Variants in CDH18 observed in about 807,000 individuals in gnomAD.
CDH18 encodes cadherin 18, also known as cadherin-18.
CDH18 carries 31 observed loss-of-function variants against 67.9 expected under a neutral mutation model. The ratio of observed to expected loss-of-function variants is 0.46; its 90% CI spans 0.34 to 0.62. CDH18 has a LOEUF of 0.62. CDH18 is among the 20% of genes least tolerant of loss of function. The pLI, the probability that CDH18 is intolerant of heterozygous loss-of-function variation, is 0.01. For synonymous variants in CDH18, 362 were observed against 347.2 expected, an observed-to-expected ratio of 1.04 and a Z score of -0.48; for missense variants, 890 against 975.5, an observed-to-expected ratio of 0.91 and a Z score of 1.17.
intron 1 of CDH18, among the ~76,000 whole-genome samples, chr5:20,402,236 C>A (rs28701114): frequency 0.047 from 7,217 of 152,178 alleles, 462 homozygotes; most frequent in African/African-American, 0.15. Context: ...ATACCACATT[C>A]TTACTTCCAG....
intron 5 of CDH18, among the ~76,000 whole-genome samples, chr5:19,667,308 C>T (rs575691627): frequency 1.2e-3 from 187 of 151,214 alleles, no homozygotes; most frequent in Non-Finnish European, 2.1e-3. Context: ...TGAACAAATT[C>T]GTGGTGGCAT....
chr5:19,627,183 A>C (rs2150164182), intron 5 of CDH18, among the ~76,000 whole-genome samples: 1 of 152,328 alleles, frequency 6.6e-6, no homozygotes, highest in Admixed American at 6.5e-5. Context: ...TGAGAAAGTA[A>C]AGGAGAAAAC....
intron 2 of CDH18, among the ~76,000 whole-genome samples, chr5:20,125,154 C>G (rs1168953522): frequency 2.6e-5 from 4 of 152,222 alleles, no homozygotes; most frequent in African/African-American, 4.8e-5. Context: ...TACAACACAT[C>G]TGCATACAGT....
intron 1 of CDH18, among the ~76,000 whole-genome samples, chr5:20,308,564 G>A (rs1192726663): frequency 2.0e-5 from 3 of 151,444 alleles, no homozygotes; most frequent in African/African-American, 7.3e-5. Flanking sequence ...AATTCTGTGT[G>A]AAAACAAAAA....
At chr5:19,997,344 T>C (rs369183509) in intron 2 of CDH18, among the ~76,000 whole-genome samples, 6 of 152,236 alleles carry the variant, frequency 3.9e-5, no homozygotes, top group African/African-American at 1.4e-4. Flanking sequence ...ATCATATTTA[T>C]GATATGTTTT....
rs1410811801 is a variant in CDH18, at chr5:19,714,539, C to A, written c.643+6808G>T. Among the ~76,000 whole-genome samples the A allele has an allele frequency of 1.5e-4, 22 of 149,844 alleles. 1 individual carries two copies. Among genetic ancestry groups the A allele is most frequent in the Admixed American group, 1.4e-3 (21 of 14,972 alleles). On this transcript the variant is annotated intron_variant, in intron 5 of 12. Transcript: ENST00000382275. ...TTTTTTTTTTTTTCAGTAAATGGAA[C>A]CTATTAATTTTTTTTCCAAGAGGAA...
intron 2 of CDH18, among the ~76,000 whole-genome samples, chr5:20,106,450 G>A (rs533136028): frequency 3.4e-4 from 51 of 152,162 alleles, no homozygotes; most frequent in African/African-American, 1.2e-3. Context: ...AGATTCACAG[G>A]TGCTCAATGC....
intron 1 of CDH18, among the ~76,000 whole-genome samples, chr5:20,534,699 A>C (rs182581027): frequency 1.3e-3 from 205 of 152,116 alleles, no homozygotes; most frequent in African/African-American, 4.7e-3. Context: ...ACAGGCTTTA[A>C]ATTTTTGCAC....
At chr5:20,518,283 T>C (rs1755500504) in intron 1 of CDH18, among the ~76,000 whole-genome samples, 1 of 152,138 alleles carries the variant, frequency 6.6e-6, no homozygotes, top group African/African-American at 2.4e-5. Context: ...AGAATAATAG[T>C]TGATCATATG....
At chr5:19,848,960 T>C (rs773579253) in intron 2 of CDH18, among the ~76,000 whole-genome samples, 2 of 150,842 alleles carry the variant, frequency 1.3e-5, no homozygotes, top group South Asian at 2.1e-4. Context: ...CACACACACA[T>C]ATATATGTAT....
intron 12 of CDH18, among the ~76,000 whole-genome samples, chr5:19,480,137 G>A (rs925327527): frequency 6.6e-6 from 1 of 151,986 alleles, no homozygotes; most frequent in Admixed American, 6.6e-5. Flanking sequence ...ACTTTTAAGA[G>A]TAAGAACGCT....
chr5:19,875,763 T>C (rs1786919756), intron 2 of CDH18, among the ~76,000 whole-genome samples: 1 of 152,054 alleles, frequency 6.6e-6, no homozygotes, highest in Admixed American at 6.6e-5. Flanking sequence ...TAATTACATT[T>C]CAATTCTTTG....
chr5:20,092,080 T>C (rs1745488601), intron 2 of CDH18, among the ~76,000 whole-genome samples: 1 of 151,610 alleles, frequency 6.6e-6, no homozygotes, highest in East Asian at 1.9e-4. Context: ...GGTAATTGCA[T>C]TTTTTTTACT....
At chr5:20,453,517 A>G (rs1489499213) in intron 1 of CDH18, among the ~76,000 whole-genome samples, 1 of 151,910 alleles carries the variant, frequency 6.6e-6, no homozygotes, top group Non-Finnish European at 1.5e-5. Flanking sequence ...TATCCTATCA[A>G]TCAATCAACC....
At chr5:20,089,148 T>C (rs901184273) in intron 2 of CDH18, among the ~76,000 whole-genome samples, 2 of 152,196 alleles carry the variant, frequency 1.3e-5, no homozygotes, top group African/African-American at 2.4e-5. Flanking sequence ...TTTTTAGTCA[T>C]AAATTTTGCA....
At position 19,580,279 on chromosome 5, in the gene CDH18, G is replaced by A. The variant is rs149390726; in HGVS notation, c.1000-8447C>T. Among the ~76,000 whole-genome samples, 4 of 151,816 alleles carry A rather than the reference G, an allele frequency of 2.6e-5. No individual in the cohort carries two copies. The East Asian group carries it at 7.8e-4, about 29-fold the overall frequency. On this transcript the variant is annotated intron_variant, in intron 7 of 12. Transcript: ENST00000382275. ...TAATTTCCCATGCAAATATTTCACTGACCCCTTCCCATCTTTGAAAAGTTG... is the reference window on the plus strand; with the variant it reads ...TAATTTCCCATGCAAATATTTCACTAACCCCTTCCCATCTTTGAAAAGTTG...
chr5:19,580,055 A>T (rs986656396), intron 7 of CDH18, among the ~76,000 whole-genome samples: 1 of 151,882 alleles, frequency 6.6e-6, no homozygotes, highest in Non-Finnish European at 1.5e-5. Flanking sequence ...AATTATACAT[A>T]TTTACGGGGT....
intron 2 of CDH18, among the ~76,000 whole-genome samples, chr5:19,909,295 C>T (rs1490684969): frequency 3.8e-5 from 5 of 132,086 alleles, no homozygotes; most frequent in Non-Finnish European, 6.3e-5. Flanking sequence ...AAGTGGTTTC[C>T]TTCACTTTTT....
At chr5:20,200,216 A>G (rs1739339069) in intron 2 of CDH18, among the ~76,000 whole-genome samples, 2 of 152,232 alleles carry the variant, frequency 1.3e-5, no homozygotes, top group Admixed American at 6.5e-5. Context: ...AATAAAAGAG[A>G]TGAAATTTAT....
Sources: allele counts gnomAD v4.1 joint callset (sites outside exome capture counted in the v4.1 genomes callset), GRCh38; gene constraint gnomAD v4.1.1; transcripts MANE v1.5; gene names NCBI Gene and HGNC (gene_info 2026-07-23, HGNC 2026-07-21).